The following TYR variants were observed in gnomAD, a reference collection of about 807,000 sequenced individuals.
The protein encoded by TYR is tyrosinase.
In TYR, 58 loss-of-function variants were observed where a neutral mutation model predicts 51.5. That is an observed-to-expected ratio of 1.13 (90% CI 0.91 to 1.40). TYR has a LOEUF of 1.40. Ranked by LOEUF, TYR falls within the 40% of genes most tolerant of loss-of-function variation. The pLI is 0.00. For synonymous variants in TYR, 263 were observed against 235.2 expected, an observed-to-expected ratio of 1.12 and a Z score of -1.08; for missense variants, 732 against 647.4, an observed-to-expected ratio of 1.13 and a Z score of -1.42.
chr11:89,219,513 C>A (rs1171748501), intron 2 of TYR, among the ~76,000 whole-genome samples: 3 of 151,872 alleles, frequency 2.0e-5, no homozygotes, highest in South Asian at 4.2e-4. Flanking sequence ...GGTTTTGAAC[C>A]CCTAATGTCA....
intron 2 of TYR, among the ~76,000 whole-genome samples, chr11:89,221,267 A>C (rs1003596508): frequency 6.6e-6 from 1 of 152,190 alleles, no homozygotes; most frequent in African/African-American, 2.4e-5. Flanking sequence ...AAATATGTGG[A>C]GTGTTTGTGC....
chr11:89,219,030 C>T (rs2135275332), intron 2 of TYR, among the ~76,000 whole-genome samples: 1 of 152,296 alleles, frequency 6.6e-6, no homozygotes, highest in Admixed American at 6.5e-5. Context: ...ACAATACCTA[C>T]CTCATATGCT....
intron 2 of TYR, among the ~76,000 whole-genome samples, chr11:89,217,243 T>C (rs986314229): frequency 5.3e-5 from 8 of 152,174 alleles, no homozygotes; most frequent in Non-Finnish European, 2.9e-5. Flanking sequence ...ACTTAGGAAG[T>C]AGAGAATATT....
chr11:89,247,978 G>A (rs1944287142), intron 3 of TYR, among the ~76,000 whole-genome samples: 1 of 152,176 alleles, frequency 6.6e-6, no homozygotes, highest in Non-Finnish European at 1.5e-5. Flanking sequence ...CTAAGAGGCA[G>A]TAAATCATGT....
At chr11:89,252,211 T>A (rs1309397190) in intron 3 of TYR, among the ~76,000 whole-genome samples, 4 of 146,036 alleles carry the variant, frequency 2.7e-5, no homozygotes, top group Non-Finnish European at 5.9e-5. Flanking sequence ...CTTGAGACGA[T>A]CAGTACCAAG....
chr11:89,233,956 C>G lies in TYR; in HGVS notation c.1184+5986C>G, dbSNP rs1029898395. Among the ~76,000 whole-genome samples the G allele has an allele frequency of 2.8e-5, 4 of 143,386 alleles. No homozygotes were observed. In the East Asian group the frequency reaches 8.1e-4, roughly 29 times the overall value. 94.1% of individuals were successfully genotyped at this position (143,386 alleles called of 152,430 possible). On this transcript the variant is annotated intron_variant, in intron 3 of 4. Coordinates refer to ENST00000263321, the MANE Select transcript of TYR (RefSeq NM_000372.5). ...CCCCTAGCAAGAGTATCAGACTATC[C>G]TTTGAAGCTTAATCCTTTATTATCC...
At chr11:89,205,034 G>GA (rs1190505140) in intron 2 of TYR, among the ~76,000 whole-genome samples, 5 of 151,682 alleles carry the variant, frequency 3.3e-5, no homozygotes, top group Middle Eastern at 3.2e-3. Flanking sequence ...TGAAACAAAT[G>GA]AAAAAAATAG....
At chr11:89,278,434 A>AT (rs1350788035) in intron 3 of TYR, among the ~76,000 whole-genome samples, 2 of 151,664 alleles carry the variant, frequency 1.3e-5, no homozygotes, top group Non-Finnish European at 3.0e-5. Context: ...ATATTCATTC[A>AT]TTTTTTAAAT....
At chr11:89,205,573 A>C (rs560223326) in intron 2 of TYR, among the ~76,000 whole-genome samples, 173 of 152,300 alleles carry the variant, frequency 1.1e-3, no homozygotes, top group African/African-American at 4.0e-3. Context: ...GGAGGCCAGA[A>C]GGTGGCACTG....
intron 3 of TYR, among the ~76,000 whole-genome samples, chr11:89,230,054 C>T (rs74820847): frequency 0.017 from 2,568 of 152,002 alleles, 70 homozygotes; most frequent in African/African-American, 0.059. Context: ...CAAATTCATA[C>T]GGAACTACAA....
intron 3 of TYR, among the ~76,000 whole-genome samples, chr11:89,231,612 A>C (rs1944051488): frequency 7.0e-6 from 1 of 142,540 alleles, no homozygotes; most frequent in South Asian, 2.3e-4. Context: ...AGAATTAGAG[A>C]GTAGAGGATG....
chr11:89,213,122 T>C, intron 2 of TYR, among the ~76,000 whole-genome samples: 1 of 152,106 alleles, frequency 6.6e-6, no homozygotes, highest in East Asian at 1.9e-4. Flanking sequence ...AAAAGGATAT[T>C]GAAATAGGAA....
At chr11:89,264,051 C>T (rs1483081206) in intron 3 of TYR, among the ~76,000 whole-genome samples, 1 of 152,012 alleles carries the variant, frequency 6.6e-6, no homozygotes, top group Non-Finnish European at 1.5e-5. Context: ...TCAGCATTTG[C>T]TGTGTACCCT....
At chr11:89,217,989 G>A (rs1384116432) in intron 2 of TYR, among the ~76,000 whole-genome samples, 2 of 152,048 alleles carry the variant, frequency 1.3e-5, no homozygotes, top group East Asian at 3.9e-4. Flanking sequence ...TTAGAGTGAA[G>A]AATCATCGAC....
intron 2 of TYR, among the ~76,000 whole-genome samples, chr11:89,216,348 G>A (rs958636943): frequency 6.6e-6 from 1 of 152,026 alleles, no homozygotes; most frequent in Non-Finnish European, 1.5e-5. Context: ...ATGGAATATT[G>A]TGGAATTAGC....
intron 3 of TYR, among the ~76,000 whole-genome samples, chr11:89,245,999 G>C (rs765180932): frequency 1.4e-4 from 22 of 152,020 alleles, no homozygotes; most frequent in Non-Finnish European, 2.6e-4. Flanking sequence ...TTTAAGGGTG[G>C]GGAGATGTGC....
At chr11:89,266,067 A>G (rs1944523283) in intron 3 of TYR, among the ~76,000 whole-genome samples, 1 of 151,994 alleles carries the variant, frequency 6.6e-6, no homozygotes, top group African/African-American at 2.4e-5. Context: ...TCCTTTTTCC[A>G]GCAGTCCAGA....
intron 1 of TYR, among the ~76,000 whole-genome samples, chr11:89,189,859 A>G (rs906255190): frequency 1.3e-5 from 2 of 152,122 alleles, no homozygotes; most frequent in African/African-American, 4.8e-5. Context: ...AGCTAATTCT[A>G]AAATACAGTA....
At chr11:89,198,413 C>A (rs1565394603) in intron 2 of TYR, among the ~76,000 whole-genome samples, 3 of 152,072 alleles carry the variant, frequency 2.0e-5, no homozygotes, top group Non-Finnish European at 4.4e-5. Context: ...TGTACCCTGA[C>A]TCCGAGAGAG....
Sources: allele counts gnomAD v4.1 joint callset (sites outside exome capture counted in the v4.1 genomes callset), GRCh38; gene constraint gnomAD v4.1.1; transcripts MANE v1.5; gene names NCBI Gene and HGNC (gene_info 2026-07-23, HGNC 2026-07-21).